The following KIAA1217 variants were observed in gnomAD, a reference collection of about 807,000 sequenced individuals.
KIAA1217 encodes KIAA1217, also known as sickle tail protein homolog.
A neutral mutation model predicts 163.9 loss-of-function variants in KIAA1217; 88 were observed. The ratio of observed to expected loss-of-function variants is 0.54; its 90% confidence interval spans 0.45 to 0.64. The LOEUF is 0.64. KIAA1217 is among the 30% of genes least tolerant of loss of function. The pLI is 0.00. For missense variants in KIAA1217, 2,372 were observed against 2,475.0 expected (o/e 0.96, Z 0.88); for synonymous variants, 903 against 923.1 (o/e 0.98, Z 0.39).
At chr10:24,254,539 G>A (rs1284378879) in intron 2 of KIAA1217, among the ~76,000 whole-genome samples, 1 of 152,214 alleles carries the variant, frequency 6.6e-6, no homozygotes, top group African/African-American at 2.4e-5. Flanking sequence ...CTAAGCATTT[G>A]GATGTTACAG....
At chr10:24,420,927 G>A (rs975122870) in intron 3 of KIAA1217, among the ~76,000 whole-genome samples, 5 of 152,230 alleles carry the variant, frequency 3.3e-5, no homozygotes, top group Admixed American at 6.5e-5. Flanking sequence ...CTGATACCTG[G>A]TGGAGCAAGT....
intron 2 of KIAA1217, among the ~76,000 whole-genome samples, chr10:24,098,294 A>G (rs12266177): frequency 0.065 from 9,951 of 152,076 alleles, 1,111 homozygotes; most frequent in African/African-American, 0.23. Flanking sequence ...TGGAGGAGAT[A>G]CAACTGTTTT....
chr10:24,017,564 A>G (rs1470577024), intron 2 of KIAA1217, among the ~76,000 whole-genome samples: 1 of 152,156 alleles, frequency 6.6e-6, no homozygotes, highest in African/African-American at 2.4e-5. Context: ...AATTCACACT[A>G]TAATTTTCCA....
intron 17 of KIAA1217, among the ~76,000 whole-genome samples, chr10:24,538,726 T>G (rs563525154): frequency 8.7e-4 from 101 of 115,678 alleles, no homozygotes; most frequent in African/African-American, 3.4e-3. Context: ...ATTTTTATTG[T>G]TTTTGGTTTT....
intron 1 of KIAA1217, among the ~76,000 whole-genome samples, chr10:23,743,122 T>C (rs1415068582): frequency 6.6e-6 from 1 of 152,134 alleles, no homozygotes; most frequent in Non-Finnish European, 1.5e-5. Context: ...TTCTGCAAGA[T>C]GATTTTGGCA....
intron 2 of KIAA1217, chr10:24,042,574 T>C (rs555068483): frequency 2.6e-5 from 4 of 152,342 alleles, no homozygotes; most frequent in Admixed American, 2.0e-4. Context: ...GTAACTTCAA[T>C]GAATGAGACT....
intron 2 of KIAA1217, among the ~76,000 whole-genome samples, chr10:24,276,930 A>G (rs1265897109): frequency 6.7e-6 from 1 of 148,232 alleles, no homozygotes; most frequent in Non-Finnish European, 1.5e-5. Context: ...TTAAAAAAAA[A>G]ATAAAAATCG....
intron 1 of KIAA1217, among the ~76,000 whole-genome samples, chr10:23,849,405 GACCCT>G (rs1839196545): frequency 6.6e-6 from 1 of 151,970 alleles, no homozygotes; most frequent in Non-Finnish European, 1.5e-5. Context: ...TTGGGGCAAG[GACCCT>G]AGATCTGTGT....
intron 1 of KIAA1217, among the ~76,000 whole-genome samples, chr10:23,973,145 T>C (rs1234954472): frequency 6.7e-6 from 1 of 150,104 alleles, no homozygotes; most frequent in Non-Finnish European, 1.5e-5. Context: ...AATTGTGATA[T>C]CACTTTGTCA....
chr10:23,740,838 G>T (rs1330440211), intron 1 of KIAA1217, among the ~76,000 whole-genome samples: 2 of 152,208 alleles, frequency 1.3e-5, no homozygotes, highest in Admixed American at 1.3e-4. Context: ...TGAAGCAGGA[G>T]AATTGCTTGA....
intron 2 of KIAA1217, among the ~76,000 whole-genome samples, chr10:24,296,585 G>A (rs567896565): frequency 1.3e-5 from 2 of 152,232 alleles, no homozygotes; most frequent in South Asian, 4.1e-4. Flanking sequence ...TTAGAGGGAG[G>A]TTACCTCATA....
chr10:23,918,446 C>G (rs1009650226), intron 1 of KIAA1217, among the ~76,000 whole-genome samples: 1 of 152,136 alleles, frequency 6.6e-6, no homozygotes, highest in African/African-American at 2.4e-5. Context: ...TTGACCTGCC[C>G]TTTCGGGAAG....
chr10:24,415,717 C>G (rs1466572295), intron 3 of KIAA1217, among the ~76,000 whole-genome samples: 1 of 152,114 alleles, frequency 6.6e-6, no homozygotes, highest in Non-Finnish European at 1.5e-5. Flanking sequence ...TCATCCCCAG[C>G]CTTAGAGAAT....
intron 3 of KIAA1217, among the ~76,000 whole-genome samples, chr10:24,415,796 C>T (rs971698223): frequency 6.6e-6 from 1 of 152,218 alleles, no homozygotes; most frequent in African/African-American, 2.4e-5. Context: ...CCCTTTATTG[C>T]TCTGGCCAGG....
At chr10:24,165,890 G>T (rs1035760779) in intron 2 of KIAA1217, among the ~76,000 whole-genome samples, 1 of 152,030 alleles carries the variant, frequency 6.6e-6, no homozygotes, top group South Asian at 2.1e-4. Context: ...TTTATCTTTG[G>T]GTGAACTTTG....
At chr10:24,060,693 G>C (rs1033717915) in intron 2 of KIAA1217, among the ~76,000 whole-genome samples, 1 of 152,124 alleles carries the variant, frequency 6.6e-6, no homozygotes, top group African/African-American at 2.4e-5. Context: ...ATACTTGGGA[G>C]GCTGAGGCAG....
At chr10:23,887,467 T>A (rs903223309) in intron 1 of KIAA1217, among the ~76,000 whole-genome samples, 7 of 151,896 alleles carry the variant, frequency 4.6e-5, no homozygotes, top group African/African-American at 1.7e-4. Context: ...CTAATGTGAA[T>A]GTGAGGCTTT....
chr10:24,421,115 C>T (rs1484695470), intron 3 of KIAA1217, among the ~76,000 whole-genome samples: 11 of 152,142 alleles, frequency 7.2e-5, no homozygotes, highest in Admixed American at 7.2e-4. Context: ...AAGCAATTCT[C>T]CTGCCTCAGC....
intron 6 of KIAA1217, among the ~76,000 whole-genome samples, chr10:24,478,097 C>T (rs369398961): frequency 1.4e-4 from 22 of 152,280 alleles, no homozygotes; most frequent in African/African-American, 5.1e-4. Context: ...GCTGAGAAAT[C>T]GGTGGCTGTG....
Sources: gnomAD v4.1 joint callset for allele counts (sites outside exome capture counted in the v4.1 genomes callset) on GRCh38, gnomAD v4.1.1 for gene constraint, MANE v1.5 for transcripts, NCBI Gene and HGNC (gene_info 2026-07-23, HGNC 2026-07-21) for gene names.